RABGAP1: variants seen among roughly 807,000 people sequenced by gnomAD.
RABGAP1 encodes RAB GTPase activating protein 1.
A neutral mutation model predicts 137.6 loss-of-function variants in RABGAP1; 23 were observed. The observed-to-expected ratio is 0.17, with a 90% confidence interval of 0.12 to 0.24. The LOEUF is 0.24. RABGAP1 is among the 10% of genes least tolerant of loss of function. The pLI, the probability that RABGAP1 is intolerant of heterozygous loss-of-function variation, is 1.00. For synonymous variants in RABGAP1, 451 were observed against 450.7 expected (o/e 1.00, Z -0.01); for missense variants, 906 against 1,275.8 (o/e 0.71, Z 4.42).
intron 13 of RABGAP1, among the ~76,000 whole-genome samples, chr9:123,039,252 A>T (rs1359376410): frequency 6.6e-6 from 1 of 152,092 alleles, no homozygotes; most frequent in African/African-American, 2.4e-5. Context: ...ATCCTCCTAA[A>T]ATGACAGTAG....
At chr9:123,064,022 G>A (rs1179401385) in intron 13 of RABGAP1, among the ~76,000 whole-genome samples, 1 of 152,096 alleles carries the variant, frequency 6.6e-6, no homozygotes, top group African/African-American at 2.4e-5. Flanking sequence ...AAATTTGTGT[G>A]CGTGCTCTCT....
At chr9:123,080,078 T>A (rs1350483575) in intron 19 of RABGAP1, among the ~76,000 whole-genome samples, 6 of 152,254 alleles carry the variant, frequency 3.9e-5, no homozygotes, top group African/African-American at 2.4e-5. Context: ...CCAGAAGTTT[T>A]ACCTTTTGGA....
At chr9:123,090,612 G>A (rs1459425627) in intron 21 of RABGAP1, among the ~76,000 whole-genome samples, 1 of 152,142 alleles carries the variant, frequency 6.6e-6, no homozygotes, top group Non-Finnish European at 1.5e-5. Context: ...CATAATCCTT[G>A]AGCTTCTTTC....
intron 6 of RABGAP1, among the ~76,000 whole-genome samples, chr9:122,995,643 A>G (rs1588236063): frequency 7.2e-6 from 1 of 138,616 alleles, no homozygotes; most frequent in Non-Finnish European, 1.5e-5. Context: ...AACTTGGCTC[A>G]GTGCAACCTC....
intron 11 of RABGAP1, among the ~76,000 whole-genome samples, chr9:123,012,766 A>G (rs2030917931): frequency 6.6e-6 from 1 of 152,236 alleles, no homozygotes; most frequent in Non-Finnish European, 1.5e-5. Context: ...TATTGGCAGT[A>G]TGGGTAACCC....
At chr9:123,067,637 C>T (rs991046581) in intron 14 of RABGAP1, among the ~76,000 whole-genome samples, 4 of 152,268 alleles carry the variant, frequency 2.6e-5, no homozygotes, top group African/African-American at 4.8e-5. Context: ...CCCACTGAAC[C>T]GTGATGTCTT....
Position 122,986,430 on chromosome 9 carries a change from T to A in RABGAP1, c.590+11T>A. On this transcript the variant is annotated intron_variant, in intron 4 of 25. Coordinates refer to ENST00000373647, the MANE Select transcript of RABGAP1 (RefSeq NM_012197.4). The stretch of plus-strand genomic sequence containing the variant: ...TGAAGGAATTGTGAGGTGAGACTGG[T>A]TTGTTGAAATCTTTCGATATTTACA... The A allele has an allele frequency of 3.7e-6, 6 of 1,611,932 alleles. No homozygotes were observed. The highest frequency in any genetic ancestry group is 5.1e-6 in the Non-Finnish European group (6 of 1,178,030).
At chr9:123,027,131 A>T (rs1191820847) in intron 13 of RABGAP1, among the ~76,000 whole-genome samples, 37 of 127,116 alleles carry the variant, frequency 2.9e-4, no homozygotes, top group Non-Finnish European at 4.9e-4. Context: ...TTTTTTTGAG[A>T]CGGACTCTCG....
intron 1 of RABGAP1, among the ~76,000 whole-genome samples, chr9:122,944,933 A>G (rs1473604938): frequency 2.6e-5 from 4 of 152,040 alleles, no homozygotes; most frequent in Admixed American, 1.3e-4. Flanking sequence ...AGTTTGTTAA[A>G]TAATGTTTCT....
At chr9:123,078,769 C>T (rs1001924601) in intron 19 of RABGAP1, among the ~76,000 whole-genome samples, 5 of 152,192 alleles carry the variant, frequency 3.3e-5, no homozygotes, top group Non-Finnish European at 5.9e-5. Context: ...CTCTTTCTCA[C>T]ACTCCACATC....
chr9:122,949,565 C>T (rs541866490), intron 1 of RABGAP1, among the ~76,000 whole-genome samples: 13 of 151,500 alleles, frequency 8.6e-5, no homozygotes, highest in South Asian at 4.2e-4. Flanking sequence ...CGTGGTGGTG[C>T]ATGCCTGTAA....
rs561902288 is a variant in RABGAP1 at position 122,986,300 on chromosome 9, G to T, written c.471G>T (p.Ser157=). ...FSKLTYLGCA[S]VNAPRSEVEA... The stretch of plus-strand genomic sequence containing the variant: ...AACTGACTTACTTAGGCTGTGCCTC[G>T]GTAAATGCTCCCAGGAGTGAAGTGG... The change falls in exon 4 of 26, where the codon TCG becomes TCT. Residue 157 remains serine (S), a synonymous_variant. Transcript: ENST00000373647. The T allele has an allele frequency of 6.2e-7, 1 of 1,614,064 alleles. No individual in the cohort carries two copies. Among genetic ancestry groups the T allele is most frequent in the Admixed American group, 1.7e-5 (1 of 60,016 alleles).
At chr9:123,075,556 G>A (rs2034484119) in intron 17 of RABGAP1, among the ~76,000 whole-genome samples, 1 of 152,174 alleles carries the variant, frequency 6.6e-6, no homozygotes, top group Non-Finnish European at 1.5e-5. Context: ...TTATTTGGAT[G>A]TGCTATACTT....
chr9:123,103,342 T>C lies in RABGAP1; in HGVS notation c.*129T>C. ...CTAAGTCAGATCCATAGACGCATGT[T>C]GGTAGGTCACTGGACCAGAGCTTGT... On this transcript the variant is annotated 3_prime_UTR_variant, in exon 26 of 26. Transcript: ENST00000373647. 1 of 1,411,796 alleles carries C rather than the reference T, an allele frequency of 7.1e-7. No individual in the cohort carries two copies. The highest frequency in any genetic ancestry group is 9.6e-7 in the Non-Finnish European group (1 of 1,046,046). The allele number at this position is 1,411,796 out of a possible 1,614,324, so 87.5% of individuals were successfully genotyped here.
At chr9:122,987,185 G>A (rs369726654) in intron 4 of RABGAP1, among the ~76,000 whole-genome samples, 1 of 152,192 alleles carries the variant, frequency 6.6e-6, no homozygotes, top group South Asian at 2.1e-4. Context: ...GCACAGAGAA[G>A]CCTCTAGCTG....
intron 21 of RABGAP1, among the ~76,000 whole-genome samples, chr9:123,094,390 T>C (rs974364331): frequency 6.6e-6 from 1 of 152,222 alleles, no homozygotes; most frequent in African/African-American, 2.4e-5. Context: ...GTTTTTGTCA[T>C]GAATGGGTGT....
chr9:123,065,109 G>GTA (rs1263971472), intron 13 of RABGAP1, among the ~76,000 whole-genome samples: 3 of 152,164 alleles, frequency 2.0e-5, no homozygotes, highest in African/African-American at 7.2e-5. Context: ...TAAGGATGGA[G>GTA]TATAATATGG....
chr9:123,066,445 C>G (rs1051929023), intron 14 of RABGAP1, among the ~76,000 whole-genome samples: 3 of 152,222 alleles, frequency 2.0e-5, no homozygotes, highest in Non-Finnish European at 4.4e-5. Context: ...TCCCTCGTCA[C>G]ATACTTTTGA....
At chr9:123,084,626 T>C (rs1194557362) in intron 19 of RABGAP1, among the ~76,000 whole-genome samples, 2 of 152,244 alleles carry the variant, frequency 1.3e-5, no homozygotes, top group African/African-American at 4.8e-5. Flanking sequence ...TTGTTTAAAA[T>C]GGCTCTTTGT....
Sources: gnomAD v4.1 joint callset for allele counts (sites outside exome capture counted in the v4.1 genomes callset) on GRCh38, gnomAD v4.1.1 for gene constraint, MANE v1.5 for transcripts, NCBI Gene and HGNC (gene_info 2026-07-23, HGNC 2026-07-21) for gene names.